EBF3: variants seen among roughly 807,000 people sequenced by gnomAD.
EBF3 encodes transcription factor COE3.
Under a neutral mutation model 77.1 loss-of-function variants are expected in EBF3, and 18 were observed. The ratio of observed to expected loss-of-function variants is 0.23; its 90% confidence interval spans 0.16 to 0.35. The LOEUF (loss-of-function observed/expected upper bound fraction) is 0.35. Ranked by LOEUF, EBF3 falls within the 10% of genes least tolerant of loss-of-function variation. The probability of loss-of-function intolerance (pLI) is 1.00; values close to 1 mark genes in which losing one functional copy is unlikely to be tolerated. For missense variants in EBF3, 558 were observed against 860.0 expected (o/e 0.65, Z 4.39); for synonymous variants, 350 against 343.5 (o/e 1.02, Z -0.21).
At chr10:129,851,748 T>C (rs1463808352) in intron 10 of EBF3, among the ~76,000 whole-genome samples, 3 of 152,242 alleles carry the variant, frequency 2.0e-5, no homozygotes, top group Non-Finnish European at 2.9e-5. Flanking sequence ...GTTTAAGATA[T>C]GTCAGATTAC....
At chr10:129,958,893 G>C (rs577376771) in intron 5 of EBF3, 41 bp downstream of exon 5, 19 of 1,576,516 alleles carry the variant, frequency 1.2e-5, no homozygotes, top group Non-Finnish European at 1.6e-5. Context: ...AGCTGGCGCC[G>C]AGGCAGCCCG....
rs760682624 is a variant in EBF3, at chr10:129,963,728, G to C, written c.41C>G (p.Thr14Ser). Reference sequence around the variant, plus strand: ...GCTGCCCAGCGGCTCCTCCTTCATGGTCGTCCCCCCGCGCGGAATATTCTC... The same window carrying C: ...GCTGCCCAGCGGCTCCTCCTTCATGCTCGTCCCCCCGCGCGGAATATTCTC... ...IQENIPRGGT[T>S]MKEEPLGSGM... Residue 14 changes from threonine to serine, a missense_variant, in exon 1 of 17, where the codon ACC (threonine) becomes AGC (serine). By Grantham distance (58) the Thr-to-Ser change is moderately conservative. Around this residue, in one of 5 missense-constraint regions of EBF3, gnomAD observed 64 missense variants for 54.5 expected, o/e 1.18. Coordinates refer to ENST00000440978, the MANE Select transcript of EBF3 (RefSeq NM_001375380.1). This position sits in a 1 kb window ranked among gnomAD's most constrained non-coding sequence, Gnocchi z 7.1. The C allele has an allele frequency of 6.5e-7, 1 of 1,537,192 alleles. No individual in the cohort carries two copies. The highest frequency in any genetic ancestry group is 8.8e-7 in the Non-Finnish European group (1 of 1,135,258).
rs185403708 is a variant in EBF3 at position 129,932,776 on chromosome 10, C to T, written c.554+24482G>A. ...AAGGTGCACAACTCGCTGACAGAGC[C>T]GGCATGTGACCAGGCAGGAGGCCGA... On this transcript the variant is annotated intron_variant, in intron 6 of 16. Transcript: ENST00000440978. Among the ~76,000 whole-genome samples, 216 of 152,270 alleles carry T rather than the reference C, an allele frequency of 1.4e-3. 1 individual carries two copies. The highest frequency in any genetic ancestry group is 2.0e-3 in the Non-Finnish European group (138 of 68,028).
At position 129,840,388 on chromosome 10, in the gene EBF3, C is replaced by T. The variant is rs1160302468; in HGVS notation, c.1616G>A (p.Cys539Tyr). 3 of 1,553,958 alleles carry T rather than the reference C, an allele frequency of 1.9e-6. No individual in the cohort carries two copies. Among genetic ancestry groups the T allele is most frequent in the East Asian group, 2.4e-5 (1 of 41,288 alleles). Residue 539 changes from cysteine (C) to tyrosine (Y), a missense_variant, in exon 15 of 17, where the codon TGT becomes TAT. Coordinates refer to ENST00000440978, the MANE Select transcript of EBF3 (RefSeq NM_001375380.1). ...AASSVTLPSN[C>Y]SSTHGIFSFS... ...TGAGAAAATGCCGTGTGTGCTGCTA[C>T]AGTTTGAAGGGAGGGTGACCGAAGA...
Position 129,839,183 on chromosome 10 carries a change from C to A in EBF3, c.1772G>T (p.Gly591Val). ...CTTCTCCGCGGCTACGTCCTCAGCACCCAGCAGAGAGCCTGGTACATAGTA... is the reference window on the plus strand; with the variant it reads ...CTTCTCCGCGGCTACGTCCTCAGCAACCAGCAGAGAGCCTGGTACATAGTA... Reference protein sequence around the residue: ...NGNGLQGSLLGAEDVAAEKTN... With the variant: ...NGNGLQGSLLVAEDVAAEKTN... Residue 591 changes from glycine to valine, a missense_variant, in exon 16 of 17, where the codon GGT (glycine) becomes GTT (valine). Transcript: ENST00000440978. The A allele has an allele frequency of 7.8e-7, 1 of 1,288,078 alleles. No homozygotes were observed. Among genetic ancestry groups the A allele is most frequent in the South Asian group, 1.2e-5 (1 of 80,712 alleles). The allele number at this position is 1,288,078 out of a possible 1,614,324, so 79.8% of individuals were successfully genotyped here.
intron 6 of EBF3, among the ~76,000 whole-genome samples, chr10:129,902,230 A>AAT: frequency 7.0e-6 from 1 of 142,256 alleles, no homozygotes; most frequent in Non-Finnish European, 1.5e-5. Context: ...ACTTCCAGAC[A>AAT]TTTTTTTTTT....
At chr10:129,838,110 C>T (rs973658088) in intron 16 of EBF3, 150 bp from the exon 17 acceptor site, 7 of 898,290 alleles carry the variant, frequency 7.8e-6, no homozygotes, top group Admixed American at 2.3e-5. Context: ...GTGGTTAGGG[C>T]GTGCTGGGGA....
At position 129,943,877 on chromosome 10, in the gene EBF3, G is replaced by C. The variant is rs896581778; in HGVS notation, c.554+13381C>G. ...TTCAGCAACGTTATGGAGGGCGCTG[G>C]CCTTCGGCGCAGACCCAGCTGAAAC... On this transcript the variant is annotated intron_variant, in intron 6 of 16. Coordinates refer to ENST00000440978, the MANE Select transcript of EBF3 (RefSeq NM_001375380.1). This position sits in a 1 kb window ranked among gnomAD's most constrained non-coding sequence, Gnocchi z 8.8. Among the ~76,000 whole-genome samples, 1 of 152,162 alleles carries C rather than the reference G, an allele frequency of 6.6e-6. No individual in the cohort carries two copies. The highest frequency in any genetic ancestry group is 2.4e-5 in the African/African-American group (1 of 41,426).
In EBF3 at chr10:129,842,064, C is replaced by T. The variant is rs1240053862; in HGVS notation, c.1372+52G>A. On this transcript the variant is annotated intron_variant, in intron 13 of 16. Coordinates refer to ENST00000440978, the MANE Select transcript of EBF3 (RefSeq NM_001375380.1). This position sits in a 1 kb window ranked among gnomAD's most constrained non-coding sequence, Gnocchi z 4.4. Reference sequence around the variant, plus strand: ...CGTGCCTCTTCAGCTAAGGCCTCAACCAACCCTCGGAGGGCGTTCAGGGCA... The same window carrying T: ...CGTGCCTCTTCAGCTAAGGCCTCAATCAACCCTCGGAGGGCGTTCAGGGCA... 1.2e-6 allele frequency: 2 copies of T among 1,611,300 alleles called. No homozygotes were observed. The highest frequency in any genetic ancestry group is 1.7e-6 in the Non-Finnish European group (2 of 1,178,588).
rs1345044245 is a variant in EBF3 at position 129,842,220 on chromosome 10, G to A, written c.1268C>T (p.Pro423Leu). The change falls in exon 13 of 17, where the codon CCC (proline) becomes CTC (leucine). Residue 423 changes from proline to leucine, a missense_variant. Pro to Leu is a moderately conservative substitution (Grantham distance 98). Transcript: ENST00000440978. The surrounding 1 kb of genome is among the most constrained non-coding windows in gnomAD (Gnocchi z 4.4). ...GTGTGCAGGGTTGTTGCCCAGGGTG[G>A]GGATCTGGTTGTGATTGCGGGGAAC... is the stretch of plus-strand genomic sequence containing the variant. ...YSVPRNHNQI[P>L]TLGNNPAHTG... 2 of 1,614,182 alleles carry A rather than the reference G, an allele frequency of 1.2e-6. No homozygotes were observed. Among genetic ancestry groups the A allele is most frequent in the Non-Finnish European group, 8.5e-7 (1 of 1,180,020 alleles).
At chr10:129,850,403 T>C (rs1386380009) in intron 10 of EBF3, among the ~76,000 whole-genome samples, 2 of 152,226 alleles carry the variant, frequency 1.3e-5, no homozygotes, top group East Asian at 1.9e-4. Context: ...CCCAAAAATA[T>C]GTGAAAGCAG....
At chr10:129,850,170 C>T (rs1047139566) in intron 10 of EBF3, among the ~76,000 whole-genome samples, 5 of 152,266 alleles carry the variant, frequency 3.3e-5, no homozygotes, top group African/African-American at 1.2e-4. Context: ...TCCTCTCCCC[C>T]AGCTAATCAC....
Position 129,952,775 on chromosome 10 carries a change from T to C in EBF3, c.554+4483A>G, listed in dbSNP as rs1858762322. ...AAGGCTTGGTAATAATCATACATAATCGTTTGGAAATATAGCTAATAAAAA... is the reference window on the plus strand; with the variant it reads ...AAGGCTTGGTAATAATCATACATAACCGTTTGGAAATATAGCTAATAAAAA... On this transcript the variant is annotated intron_variant, in intron 6 of 16. Transcript: ENST00000440978. The surrounding 1 kb of genome is among the most constrained non-coding windows in gnomAD (Gnocchi z 4.7). 6.6e-6 allele frequency among the ~76,000 whole-genome samples: 1 copy of C among 152,050 alleles called. No homozygotes were observed. Among genetic ancestry groups the C allele is most frequent in the Non-Finnish European group, 1.5e-5 (1 of 68,006 alleles).
At chr10:129,930,808 C>T (rs573496358) in intron 6 of EBF3, among the ~76,000 whole-genome samples, 174 of 147,940 alleles carry the variant, frequency 1.2e-3, no homozygotes, top group Non-Finnish European at 2.1e-3. Flanking sequence ...TCTATATTAA[C>T]AAATCCCCCT....
Position 129,957,535 on chromosome 10 carries a change from C to A in EBF3, c.486-209G>T, listed in dbSNP as rs570955687. Among the ~76,000 whole-genome samples, 9 of 152,300 alleles carry A rather than the reference C, an allele frequency of 5.9e-5. No homozygotes were observed. In the East Asian group the frequency reaches 1.7e-3, roughly 29 times the overall value. ...CCGGAAGGAGCAAAGTTGAACCTATCTGTTAATACCAGGAGGGTAACCAGA... is the reference window on the plus strand; with the variant it reads ...CCGGAAGGAGCAAAGTTGAACCTATATGTTAATACCAGGAGGGTAACCAGA... On this transcript the variant is annotated intron_variant, in intron 5 of 16. Coordinates refer to ENST00000440978, the MANE Select transcript of EBF3 (RefSeq NM_001375380.1).
At chr10:129,948,580 G>A (rs920307252) in intron 6 of EBF3, among the ~76,000 whole-genome samples, 1 of 134,968 alleles carries the variant, frequency 7.4e-6, no homozygotes, top group Non-Finnish European at 1.6e-5. Flanking sequence ...CAGGTGTAAT[G>A]AGGATACCAC....
At chr10:129,929,267 C>T (rs192666246) in intron 6 of EBF3, among the ~76,000 whole-genome samples, 1,757 of 152,178 alleles carry the variant, frequency 0.012, 18 homozygotes, top group Non-Finnish European at 0.019. Context: ...TACAGTGGTG[C>T]GATCTCAGTT....
At chr10:129,892,281 G>A (rs1403813454) in intron 6 of EBF3, among the ~76,000 whole-genome samples, 1 of 152,246 alleles carries the variant, frequency 6.6e-6, no homozygotes. Context: ...CAGGAGAGGG[G>A]TAGGTCTTCA....
rs182147599 is a variant in EBF3 at position 129,931,081 on chromosome 10, T to C, written c.554+26177A>G. ...ATATATCTGTATCTATATCTGTCTA[T>C]ATCTATCTCTATATTAACAAATCCC... On this transcript the variant is annotated intron_variant, in intron 6 of 16. Transcript: ENST00000440978. 5.2e-3 allele frequency among the ~76,000 whole-genome samples: 790 copies of C among 152,274 alleles called. 5 individuals are homozygous for C. Among genetic ancestry groups the C allele is most frequent in the African/African-American group, 0.017 (726 of 41,542 alleles).
Sources: allele counts gnomAD v4.1 joint callset (sites outside exome capture counted in the v4.1 genomes callset), GRCh38; gene constraint gnomAD v4.1.1; regional missense constraint gnomAD v4.1.1; non-coding constraint Gnocchi (gnomAD v3.1); transcripts MANE v1.5; gene names NCBI Gene and HGNC (gene_info 2026-07-23, HGNC 2026-07-21).